Variants in KHDC1 observed in about 807,000 individuals in gnomAD.
KHDC1 encodes KH homology domain-containing protein 1.
Under a neutral mutation model 24.7 loss-of-function variants are expected in KHDC1, and 21 were observed. That is an observed-to-expected ratio of 0.85 (90% CI 0.60 to 1.23). KHDC1 has a LOEUF of 1.23. Ranked by LOEUF, KHDC1 falls within the 50% of genes most tolerant of loss-of-function variation. The pLI is 0.00. For synonymous variants in KHDC1, 98 were observed against 111.7 expected (o/e 0.88, Z 0.77); for missense variants, 274 against 298.5 (o/e 0.92, Z 0.61).
At chr6:73,305,583 A>G (rs1346139456) in intron 1 of KHDC1, among the ~76,000 whole-genome samples, 1 of 152,228 alleles carries the variant, frequency 6.6e-6, no homozygotes, top group East Asian at 1.9e-4. Context: ...AAGGTTAACA[A>G]ATAAATTTTT....
At chr6:73,297,350 G>A (rs1331754634) in intron 1 of KHDC1, among the ~76,000 whole-genome samples, 2 of 151,980 alleles carry the variant, frequency 1.3e-5, no homozygotes, top group Non-Finnish European at 2.9e-5. Flanking sequence ...TAGATTTCAT[G>A]ATGATGAGCA....
chr6:73,265,148 C>T (rs1235395693), intron 2 of KHDC1, among the ~76,000 whole-genome samples: 1 of 152,158 alleles, frequency 6.6e-6, no homozygotes, highest in Non-Finnish European at 1.5e-5. Context: ...TATTTCTCAT[C>T]AGTTACCTAT....
At chr6:73,290,945 C>A in intron 2 of KHDC1, 1 of 352,876 alleles carries the variant, frequency 2.8e-6, no homozygotes, top group East Asian at 6.7e-5. Context: ...GATGCTGGCC[C>A]AGGAAGCTCT....
Position 73,241,777 on chromosome 6 carries a change from C to A in KHDC1, c.515-49G>T, listed in dbSNP as rs757519552. ...AATGAACCAGGGCCCATAACTGGGG[C>A]CCATTGGCAGGCCTGGACTCCATCA... On this transcript the variant is annotated intron_variant, in intron 4 of 4. Coordinates refer to ENST00000370384, the Ensembl canonical transcript of KHDC1. 6.9e-6 allele frequency: 11 copies of A among 1,596,264 alleles called. No homozygotes were observed. In the East Asian group the frequency reaches 2.5e-4, roughly 36 times the overall value.
intron 1 of KHDC1, chr6:73,292,662 C>G (rs966842885): frequency 2.7e-6 from 2 of 752,968 alleles, no homozygotes. Flanking sequence ...TTGTTGATCT[C>G]TTCCTTTACC....
chr6:73,266,243 A>C (rs772687552), intron 2 of KHDC1, among the ~76,000 whole-genome samples: 3 of 152,226 alleles, frequency 2.0e-5, no homozygotes, highest in African/African-American at 4.8e-5. Context: ...TAAAACCTTT[A>C]ATGAAAACAA....
chr6:73,277,562 T>C (rs1227789038), intron 2 of KHDC1, among the ~76,000 whole-genome samples: 1 of 152,118 alleles, frequency 6.6e-6, no homozygotes, highest in South Asian at 2.1e-4. Context: ...CTTTAAAATA[T>C]CGCTTGGGCC....
At chr6:73,242,496 G>C (rs1413472857) in exon 3 of KHDC1, 1 of 1,614,042 alleles carries the variant, frequency 6.2e-7, no homozygotes, top group East Asian at 2.2e-5. Context: ...TTCTTGCTGA[G>C]AGCACTCGTT....
At chr6:73,289,333 CAAAAAAAAA>C (rs60179008) in intron 2 of KHDC1, among the ~76,000 whole-genome samples, 10,334 of 62,750 alleles carry the variant, frequency 0.16, 513 homozygotes, top group Middle Eastern at 0.28. Context: ...GACTCCATCT[CAAAAAAAAA>C]AAAAAAAAAA....
At chr6:73,283,028 G>A (rs891559025) in intron 2 of KHDC1, among the ~76,000 whole-genome samples, 19 of 152,302 alleles carry the variant, frequency 1.2e-4, no homozygotes, top group Admixed American at 6.5e-4. Context: ...GTTACATACC[G>A]GAGGTACATG....
rs1382084594 is a variant in KHDC1, at chr6:73,242,550, A to T, written c.207-20T>A. ...TCCGACCTGATACAGAATAGGGCCA[A>T]GTCCAAGCAACTGGTTGGCAAAAGA... On this transcript the variant is annotated intron_variant, in intron 2 of 4. Transcript: ENST00000370384. 6.2e-7 allele frequency: 1 copy of T among 1,613,944 alleles called. No homozygotes were observed. The highest frequency in any genetic ancestry group is 8.5e-7 in the Non-Finnish European group (1 of 1,179,888).
chr6:73,310,232 G>C (rs776520503), upstream of KHDC1: 17 of 159,206 alleles, frequency 1.1e-4, no homozygotes, highest in South Asian at 5.5e-4. Flanking sequence ...TCCTCTGACC[G>C]GCACCCGAAG....
At chr6:73,279,679 G>C (rs34826679) in intron 2 of KHDC1, among the ~76,000 whole-genome samples, 9,923 of 147,476 alleles carry the variant, frequency 0.067, 345 homozygotes, top group East Asian at 0.13. Flanking sequence ...TCTTAGGCTC[G>C]AGCAATCCTC....
chr6:73,302,831 CT>C (rs1420221210), intron 1 of KHDC1, among the ~76,000 whole-genome samples: 2 of 152,170 alleles, frequency 1.3e-5, no homozygotes, highest in Admixed American at 1.3e-4. Context: ...AATCCCAGCA[CT>C]TTGGGAGGCC....
intron 2 of KHDC1, chr6:73,275,341 ACT>A (rs888509427): frequency 3.2e-5 from 5 of 156,744 alleles, no homozygotes; most frequent in Non-Finnish European, 7.3e-5. Flanking sequence ...CAAGAGCGAA[ACT>A]CTGTCTTAAA....
chr6:73,253,345 GGA>G (rs1169829660), intron 2 of KHDC1, among the ~76,000 whole-genome samples: 1 of 150,492 alleles, frequency 6.6e-6, no homozygotes, highest in Non-Finnish European at 1.5e-5. Context: ...CACAAGGTCA[GGA>G]GATCAACCAT....
At chr6:73,250,785 G>C (rs547637114) in intron 2 of KHDC1, among the ~76,000 whole-genome samples, 1 of 152,298 alleles carries the variant, frequency 6.6e-6, no homozygotes, top group African/African-American at 2.4e-5. Context: ...AAAGCACAAA[G>C]TTTATCTTGA....
intron 1 of KHDC1, among the ~76,000 whole-genome samples, chr6:73,303,685 G>A (rs190459308): frequency 2.0e-5 from 3 of 152,144 alleles, no homozygotes; most frequent in African/African-American, 7.2e-5. Context: ...AAACTGAGAT[G>A]CATTCTAGAA....
chr6:73,289,094 G>A (rs1767578225), intron 2 of KHDC1, among the ~76,000 whole-genome samples: 1 of 152,076 alleles, frequency 6.6e-6, no homozygotes, highest in Non-Finnish European at 1.5e-5. Flanking sequence ...AGCGCTTTGG[G>A]AGGCGAAGGC....
Sources: gnomAD v4.1 joint callset for allele counts (sites outside exome capture counted in the v4.1 genomes callset) on GRCh38, gnomAD v4.1.1 for gene constraint, MANE v1.5 for transcripts, NCBI Gene and HGNC (gene_info 2026-07-23, HGNC 2026-07-21) for gene names.